EYS: variants seen among roughly 807,000 people sequenced by gnomAD.
EYS encodes protein eyes shut homolog.
A neutral mutation model predicts 282.1 loss-of-function variants in EYS; 250 were observed. That is an observed-to-expected ratio of 0.89 (90% CI 0.80 to 0.98). The LOEUF (loss-of-function observed/expected upper bound fraction) is 0.98, where lower values mean the gene tolerates loss of function less well. Among genes scored for constraint, EYS ranks in the 50% least tolerant of loss-of-function variants. The pLI, the probability that EYS is intolerant of heterozygous loss-of-function variation, is 0.00. For missense variants in EYS, 4,016 were observed against 3,709.0 expected, an observed-to-expected ratio of 1.08 and a Z score of -2.15; for synonymous variants, 1,355 against 1,282.9, an observed-to-expected ratio of 1.06 and a Z score of -1.20.
At chr6:64,978,209 T>C (rs1345701950) in intron 14 of EYS, among the ~76,000 whole-genome samples, 1 of 151,916 alleles carries the variant, frequency 6.6e-6, no homozygotes, top group Non-Finnish European at 1.5e-5. Context: ...GGTTAGGGGA[T>C]GATGCAATTT....
chr6:65,423,245 T>C (rs1022959418), intron 5 of EYS, among the ~76,000 whole-genome samples: 9 of 151,932 alleles, frequency 5.9e-5, no homozygotes, highest in Admixed American at 2.6e-4. Flanking sequence ...TTTTATTTCT[T>C]GATCTATGTC....
chr6:65,420,528 T>TG (rs1767415222), intron 5 of EYS, among the ~76,000 whole-genome samples: 1 of 146,910 alleles, frequency 6.8e-6, no homozygotes, highest in Non-Finnish European at 1.5e-5. Context: ...CCATGAAGGT[T>TG]GGAATTACTA....
chr6:64,852,855 TC>T (rs1765928516), intron 19 of EYS, among the ~76,000 whole-genome samples: 1 of 152,100 alleles, frequency 6.6e-6, no homozygotes, highest in South Asian at 2.1e-4. Flanking sequence ...GGGAGCATGG[TC>T]CTTCTGAAAC....
intron 2 of EYS, among the ~76,000 whole-genome samples, chr6:65,519,269 T>C (rs897803757): frequency 6.6e-6 from 1 of 151,966 alleles, no homozygotes; most frequent in Non-Finnish European, 1.5e-5. Flanking sequence ...CATTTCAATA[T>C]ACATTGTTGC....
At chr6:64,349,278 A>G (rs1043444407) in intron 29 of EYS, among the ~76,000 whole-genome samples, 3 of 151,256 alleles carry the variant, frequency 2.0e-5, no homozygotes, top group African/African-American at 7.3e-5. Flanking sequence ...ATATAAATTA[A>G]TTTATATGTA....
intron 2 of EYS, among the ~76,000 whole-genome samples, chr6:65,593,491 A>C (rs1246747055): frequency 6.6e-6 from 1 of 152,042 alleles, no homozygotes; most frequent in African/African-American, 2.4e-5. Flanking sequence ...TAGTAAATAC[A>C]TGAAAGCTGA....
At chr6:64,996,929 G>A (rs1771283477) in intron 14 of EYS, among the ~76,000 whole-genome samples, 1 of 152,172 alleles carries the variant, frequency 6.6e-6, no homozygotes, top group Non-Finnish European at 1.5e-5. Context: ...GCCCTGACTT[G>A]TGTTGTATGT....
chr6:64,446,860 T>C (rs1164167763), intron 26 of EYS, among the ~76,000 whole-genome samples: 2 of 152,024 alleles, frequency 1.3e-5, no homozygotes, highest in African/African-American at 2.4e-5. Flanking sequence ...CTCTCCACAG[T>C]ATATATCATT....
intron 1 of EYS, among the ~76,000 whole-genome samples, chr6:65,663,105 T>C (rs758577799): frequency 1.7e-4 from 26 of 152,194 alleles, no homozygotes; most frequent in Non-Finnish European, 2.9e-4. Flanking sequence ...AAAGTAATCA[T>C]ACGGGGGTAA....
intron 2 of EYS, among the ~76,000 whole-genome samples, chr6:65,516,461 C>A (rs1767138960): frequency 6.6e-6 from 1 of 151,896 alleles, no homozygotes; most frequent in African/African-American, 2.4e-5. Flanking sequence ...TTTCAGAAGT[C>A]TTGTTTAGGA....
At chr6:63,930,858 G>A (rs1764870927) in intron 35 of EYS, among the ~76,000 whole-genome samples, 1 of 152,032 alleles carries the variant, frequency 6.6e-6, no homozygotes, top group African/African-American at 2.4e-5. Flanking sequence ...ATAATTTATT[G>A]GAAAGATAAA....
chr6:64,644,133 C>T (rs1474996361), intron 22 of EYS, among the ~76,000 whole-genome samples: 1 of 152,148 alleles, frequency 6.6e-6, no homozygotes, highest in Non-Finnish European at 1.5e-5. Context: ...CTGCAATTTT[C>T]CCCACCATAT....
At chr6:64,767,250 G>T (rs1014810091) in intron 22 of EYS, among the ~76,000 whole-genome samples, 1 of 151,844 alleles carries the variant, frequency 6.6e-6, no homozygotes, top group African/African-American at 2.4e-5. Context: ...TCATCATACC[G>T]TACATTTATT....
chr6:63,730,935 C>T (rs752750040), intron 41 of EYS, among the ~76,000 whole-genome samples: 2 of 152,126 alleles, frequency 1.3e-5, no homozygotes, highest in African/African-American at 4.8e-5. Context: ...GCAGGAGGAT[C>T]GCTTGAACTT....
At chr6:63,784,973 A>G (rs1464527187) in intron 39 of EYS, among the ~76,000 whole-genome samples, 1 of 152,100 alleles carries the variant, frequency 6.6e-6, no homozygotes, top group East Asian at 1.9e-4. Context: ...AATCACCTGA[A>G]GAGCTCATTA....
chr6:64,094,273 A>G (rs934022273), intron 31 of EYS, among the ~76,000 whole-genome samples: 6 of 151,874 alleles, frequency 4.0e-5, no homozygotes, highest in African/African-American at 7.3e-5. Flanking sequence ...GCCTTATAAA[A>G]CAAGTTAAGG....
chr6:64,704,905 T>C (rs1421090320), intron 22 of EYS, among the ~76,000 whole-genome samples: 1 of 152,112 alleles, frequency 6.6e-6, no homozygotes, highest in Non-Finnish European at 1.5e-5. Flanking sequence ...GCATTCCCGT[T>C]GAAAACTGGA....
intron 22 of EYS, among the ~76,000 whole-genome samples, chr6:64,703,170 C>T (rs954981447): frequency 3.3e-5 from 5 of 151,682 alleles, no homozygotes; most frequent in African/African-American, 7.3e-5. Context: ...CTATTACTCA[C>T]GGCAGAGCAG....
chr6:64,769,531 A>T (rs906145874), intron 22 of EYS, among the ~76,000 whole-genome samples: 2 of 152,088 alleles, frequency 1.3e-5, no homozygotes, highest in African/African-American at 4.8e-5. Context: ...GGGTGTCCAG[A>T]TGGATTTGGC....
Sources: gnomAD v4.1 joint callset for allele counts (sites outside exome capture counted in the v4.1 genomes callset) on GRCh38, gnomAD v4.1.1 for gene constraint, MANE v1.5 for transcripts, NCBI Gene and HGNC (gene_info 2026-07-23, HGNC 2026-07-21) for gene names.